Variants in ANO2 observed in about 807,000 individuals in gnomAD.
ANO2 encodes the protein anoctamin 2.
In ANO2, 101 loss-of-function variants were observed where a neutral mutation model predicts 124.2. The observed-to-expected ratio is 0.81, with a 90% confidence interval of 0.69 to 0.96. ANO2 has a LOEUF of 0.96. Ranked by LOEUF, ANO2 falls within the 40% of genes least tolerant of loss-of-function variation. ANO2 has a pLI of 0.00. For missense variants in ANO2, 1,293 were observed against 1,274.5 expected (o/e 1.01, Z -0.22); for synonymous variants, 486 against 482.5 (o/e 1.01, Z -0.09).
intron 16 of ANO2, among the ~76,000 whole-genome samples, chr12:5,625,138 G>A (rs1945331431): frequency 6.6e-6 from 1 of 152,202 alleles, no homozygotes; most frequent in African/African-American, 2.4e-5. Flanking sequence ...TTTCTGAACA[G>A]GGGAAGGATG....
intron 10 of ANO2, among the ~76,000 whole-genome samples, chr12:5,759,563 G>C (rs1951679660): frequency 6.7e-6 from 1 of 150,190 alleles, no homozygotes; most frequent in Non-Finnish European, 1.5e-5. Context: ...AGCAGCATTA[G>C]ATTCTCAAAG....
intron 23 of ANO2, among the ~76,000 whole-genome samples, chr12:5,568,016 A>T (rs1196698725): frequency 6.6e-6 from 1 of 152,172 alleles, no homozygotes; most frequent in Non-Finnish European, 1.5e-5. Flanking sequence ...TACATTTTAC[A>T]TTCATGCACA....
chr12:5,818,967 C>T (rs1953699531), intron 7 of ANO2, among the ~76,000 whole-genome samples: 1 of 152,136 alleles, frequency 6.6e-6, no homozygotes, highest in African/African-American at 2.4e-5. Context: ...TAAGATGGCC[C>T]TGAGTGACAG....
At chr12:5,749,083 G>A (rs762017344) in intron 11 of ANO2, among the ~76,000 whole-genome samples, 44 of 152,324 alleles carry the variant, frequency 2.9e-4, no homozygotes, top group Admixed American at 1.2e-3. Context: ...ATCTCCAGGT[G>A]ATCTGATTTG....
intron 12 of ANO2, among the ~76,000 whole-genome samples, chr12:5,740,630 C>T (rs189263141): frequency 9.2e-5 from 14 of 152,164 alleles, no homozygotes; most frequent in East Asian, 5.8e-4. Context: ...TGTGGGCCTG[C>T]GAAGAGAAGT....
intron 3 of ANO2, among the ~76,000 whole-genome samples, chr12:5,903,810 T>G (rs1940491935): frequency 6.6e-6 from 1 of 152,112 alleles, no homozygotes; most frequent in African/African-American, 2.4e-5. Context: ...CATTTGAGAG[T>G]GGAAGATCCC....
chr12:5,880,853 T>TGGATGGAG (rs1938441520), intron 3 of ANO2, among the ~76,000 whole-genome samples: 2 of 33,774 alleles, frequency 5.9e-5, no homozygotes, highest in African/African-American at 1.2e-4. Flanking sequence ...GGTGGGTGGG[T>TGGATGGAG]GGATAGATGG....
intron 15 of ANO2, among the ~76,000 whole-genome samples, chr12:5,639,866 G>A (rs950407673): frequency 2.2e-4 from 33 of 152,152 alleles, no homozygotes; most frequent in African/African-American, 7.2e-4. Flanking sequence ...GATCAGTGAA[G>A]GGGCTATGAT....
chr12:5,849,993 TG>T (rs1478245041), intron 4 of ANO2, among the ~76,000 whole-genome samples: 3 of 152,102 alleles, frequency 2.0e-5, no homozygotes, highest in Non-Finnish European at 4.4e-5. Flanking sequence ...CCCCCACCCC[TG>T]GGATCAGAGC....
At chr12:5,671,680 T>C (rs867619087) in intron 14 of ANO2, among the ~76,000 whole-genome samples, 2 of 152,178 alleles carry the variant, frequency 1.3e-5, no homozygotes, top group Admixed American at 1.3e-4. Context: ...CTGGGATGTA[T>C]ACAATTTTCC....
At chr12:5,930,058 T>C (rs1443144651) in intron 1 of ANO2, among the ~76,000 whole-genome samples, 1 of 123,772 alleles carries the variant, frequency 8.1e-6, no homozygotes, top group Non-Finnish European at 1.8e-5. Flanking sequence ...CTTCCTTCCT[T>C]ACTAGTCTAC....
At chr12:5,605,793 G>T (rs1248630558) in intron 19 of ANO2, among the ~76,000 whole-genome samples, 1 of 152,150 alleles carries the variant, frequency 6.6e-6, no homozygotes, top group Admixed American at 6.5e-5. Flanking sequence ...CATGGATTCA[G>T]ATAATAAATA....
At chr12:5,710,217 G>A (rs1949761460) in intron 14 of ANO2, among the ~76,000 whole-genome samples, 2 of 152,186 alleles carry the variant, frequency 1.3e-5, no homozygotes, top group East Asian at 3.8e-4. Flanking sequence ...GGAGAGAGGG[G>A]ACAGGCCCTG....
intron 4 of ANO2, among the ~76,000 whole-genome samples, chr12:5,850,758 C>T (rs1954864603): frequency 6.6e-6 from 1 of 152,168 alleles, no homozygotes; most frequent in Non-Finnish European, 1.5e-5. Flanking sequence ...AGTGCCTCTC[C>T]AAGGACTTTC....
At chr12:5,768,481 C>A (rs1951967404) in intron 10 of ANO2, among the ~76,000 whole-genome samples, 1 of 152,190 alleles carries the variant, frequency 6.6e-6, no homozygotes, top group South Asian at 2.1e-4. Context: ...TTTTTGTGAG[C>A]AGAGACATTT....
chr12:5,578,637 T>C, intron 20 of ANO2, 119 bp from the exon 21 acceptor site: 1 of 1,045,812 alleles, frequency 9.6e-7, no homozygotes, highest in Non-Finnish European at 1.4e-6. Context: ...TATGGGGTAA[T>C]TTTTAGTCTC....
intron 19 of ANO2, among the ~76,000 whole-genome samples, chr12:5,602,256 CT>C (rs56321415): frequency 0.18 from 26,347 of 148,160 alleles, 2,521 homozygotes; most frequent in Non-Finnish European, 0.22. Flanking sequence ...TCTAGGAACT[CT>C]TTTTTTTTTT....
chr12:5,831,621 AAT>A (rs1047337827), intron 5 of ANO2, among the ~76,000 whole-genome samples: 2 of 152,190 alleles, frequency 1.3e-5, no homozygotes, highest in Admixed American at 6.5e-5. Context: ...TGAGAGGGTA[AAT>A]ATATGCAAAT....
intron 20 of ANO2, among the ~76,000 whole-genome samples, chr12:5,588,007 C>T (rs574855471): frequency 5.5e-4 from 84 of 152,368 alleles, no homozygotes; most frequent in South Asian, 1.0e-3. Context: ...GTGGGCTCAG[C>T]GCACTTCCTG....
Sources: allele counts gnomAD v4.1 joint callset (sites outside exome capture counted in the v4.1 genomes callset), GRCh38; gene constraint gnomAD v4.1.1; transcripts MANE v1.5; gene names NCBI Gene and HGNC (gene_info 2026-07-23, HGNC 2026-07-21).